SGCD: variants seen among roughly 807,000 people sequenced by gnomAD.
SGCD encodes sarcoglycan delta.
In SGCD, 18 loss-of-function variants were observed where a neutral mutation model predicts 36.6. The ratio of observed to expected loss-of-function variants is 0.49; its 90% CI spans 0.34 to 0.73. The LOEUF (loss-of-function observed/expected upper bound fraction) is 0.73, where lower values mean the gene tolerates loss of function less well. Among genes scored for constraint, SGCD ranks in the 30% least tolerant of loss-of-function variants. The pLI, the probability that SGCD is intolerant of heterozygous loss-of-function variation, is 0.01. For missense variants in SGCD, 387 were observed against 346.7 expected, an observed-to-expected ratio of 1.12 and a Z score of -0.92; for synonymous variants, 133 against 130.6, an observed-to-expected ratio of 1.02 and a Z score of -0.12.
At chr5:156,498,474 C>T (rs570456104) in intron 3 of SGCD, among the ~76,000 whole-genome samples, 1 of 152,286 alleles carries the variant, frequency 6.6e-6, no homozygotes, top group African/African-American at 2.4e-5. Context: ...TACTTTCTGT[C>T]TCTATAGATT....
chr5:156,084,509 G>T (rs898878975), intron 1 of SGCD, among the ~76,000 whole-genome samples: 1 of 152,158 alleles, frequency 6.6e-6, no homozygotes, highest in Non-Finnish European at 1.5e-5. Flanking sequence ...AAGAGATCAG[G>T]CATGTTCAGT....
At chr5:156,743,449 A>T (rs1756792406) in intron 7 of SGCD, among the ~76,000 whole-genome samples, 1 of 152,066 alleles carries the variant, frequency 6.6e-6, no homozygotes, top group Non-Finnish European at 1.5e-5. Context: ...ACTTTGTTTA[A>T]ATTTCTTTTA....
chr5:156,009,535 C>T (rs1011753493), intron 1 of SGCD, among the ~76,000 whole-genome samples: 6 of 152,158 alleles, frequency 3.9e-5, no homozygotes, highest in African/African-American at 9.7e-5. Context: ...TCCCAAGGCT[C>T]GGTCCACATA....
the SGCD span, among the ~76,000 whole-genome samples, chr5:155,748,514 G>A: frequency 6.6e-6 from 1 of 152,048 alleles, no homozygotes; most frequent in Non-Finnish European, 1.5e-5. Context: ...AGTACAAATT[G>A]CTGAGCCCCA....
chr5:156,705,329 C>T (rs551186051), intron 7 of SGCD, among the ~76,000 whole-genome samples: 2 of 152,238 alleles, frequency 1.3e-5, no homozygotes, highest in South Asian at 4.1e-4. Context: ...GAAATTTATA[C>T]TGTCCTGTCC....
intron 1 of SGCD, among the ~76,000 whole-genome samples, chr5:155,909,334 A>G (rs910328547): frequency 6.6e-6 from 1 of 152,126 alleles, no homozygotes; most frequent in African/African-American, 2.4e-5. Flanking sequence ...GAAAATATGC[A>G]TTTTCTAAGG....
chr5:156,071,779 G>A (rs1345439799), intron 1 of SGCD, among the ~76,000 whole-genome samples: 1 of 152,120 alleles, frequency 6.6e-6, no homozygotes, highest in Non-Finnish European at 1.5e-5. Flanking sequence ...TCTCTTTGTA[G>A]GTCACTCAGG....
chr5:156,171,381 A>G (rs997916195), intron 3 of SGCD, among the ~76,000 whole-genome samples: 1 of 152,180 alleles, frequency 6.6e-6, no homozygotes, highest in Non-Finnish European at 1.5e-5. Flanking sequence ...CTGCTTACCT[A>G]TGAGCCCCTT....
At chr5:156,540,946 A>G (rs1047503024) in intron 4 of SGCD, among the ~76,000 whole-genome samples, 2 of 152,184 alleles carry the variant, frequency 1.3e-5, no homozygotes, top group Non-Finnish European at 2.9e-5. Context: ...GAGAAGATAA[A>G]CAAGAAACAA....
chr5:155,846,553 G>C, the SGCD span, among the ~76,000 whole-genome samples: 2 of 152,076 alleles, frequency 1.3e-5, no homozygotes, highest in African/African-American at 4.8e-5. Context: ...TTCACATTCT[G>C]TTATACTCTG....
intron 7 of SGCD, among the ~76,000 whole-genome samples, chr5:156,708,284 A>T (rs1754829370): frequency 1.2e-3 from 2 of 1,650 alleles, no homozygotes; most frequent in African/African-American, 7.9e-3. Context: ...TCTATTAAAA[A>T]AAAAAAAAAA....
At chr5:156,504,488 G>T (rs1344919692) in intron 3 of SGCD, among the ~76,000 whole-genome samples, 1 of 150,348 alleles carries the variant, frequency 6.7e-6, no homozygotes, top group Non-Finnish European at 1.5e-5. Flanking sequence ...TTCCTCAACT[G>T]ATTGTTTCAG....
At position 155,952,825 on chromosome 5, in the gene SGCD, G is replaced by A. The variant is rs185574893; in HGVS notation, c.-282+82401G>A. 9.2e-5 allele frequency among the ~76,000 whole-genome samples: 14 copies of A among 152,320 alleles called. No homozygotes were observed. The East Asian group carries it at 2.3e-3, about 25-fold the overall frequency. On this transcript the variant is annotated intron_variant, in intron 1 of 9. Transcript: ENST00000517913. ...TGAAAAGGCAAATTTGCTTTGAAAAGTGTAATGAAATGTGCCCAGATGAAA... is the reference window on the plus strand; with the variant it reads ...TGAAAAGGCAAATTTGCTTTGAAAAATGTAATGAAATGTGCCCAGATGAAA...
At chr5:156,702,869 C>G (rs1291649754) in intron 7 of SGCD, among the ~76,000 whole-genome samples, 2 of 152,128 alleles carry the variant, frequency 1.3e-5, no homozygotes, top group African/African-American at 4.8e-5. Flanking sequence ...GTGTTTCCCT[C>G]CAGAGCAAAG....
intron 3 of SGCD, among the ~76,000 whole-genome samples, chr5:156,294,060 A>G (rs1489373461): frequency 6.6e-6 from 1 of 152,114 alleles, no homozygotes; most frequent in Non-Finnish European, 1.5e-5. Flanking sequence ...CTTTGGTTAA[A>G]TCATTTTGAA....
At chr5:156,213,380 A>G (rs1385905130) in intron 3 of SGCD, among the ~76,000 whole-genome samples, 1 of 152,042 alleles carries the variant, frequency 6.6e-6, no homozygotes, top group African/African-American at 2.4e-5. Flanking sequence ...AAATGGATAA[A>G]TTCCAAGAAA....
At chr5:156,678,067 T>C (rs1212251189) in intron 7 of SGCD, among the ~76,000 whole-genome samples, 1 of 152,200 alleles carries the variant, frequency 6.6e-6, no homozygotes, top group African/African-American at 2.4e-5. Flanking sequence ...TGATTCCTGG[T>C]CCACATCCCA....
chr5:155,736,000 C>T, the SGCD span, among the ~76,000 whole-genome samples: 1 of 152,076 alleles, frequency 6.6e-6, no homozygotes, highest in Non-Finnish European at 1.5e-5. Context: ...CTTCTTAACC[C>T]TTTTTTAGAT....
chr5:155,873,372 G>A (rs1300784473), intron 1 of SGCD, among the ~76,000 whole-genome samples: 2 of 152,110 alleles, frequency 1.3e-5, no homozygotes, highest in Non-Finnish European at 2.9e-5. Context: ...CCTAAATACT[G>A]CATTGTCTTA....
Sources: allele counts gnomAD v4.1 joint callset (sites outside exome capture counted in the v4.1 genomes callset), GRCh38; gene constraint gnomAD v4.1.1; transcripts MANE v1.5; gene names NCBI Gene and HGNC (gene_info 2026-07-23, HGNC 2026-07-21).